Variants in PCDHGA2 observed in about 807,000 individuals in gnomAD.
PCDHGA2 encodes protocadherin gamma-A2.
PCDHGA2 carries 40 observed loss-of-function variants against 59.2 expected under a neutral mutation model. The ratio of observed to expected loss-of-function variants is 0.68; its 90% CI spans 0.52 to 0.88. The LOEUF (loss-of-function observed/expected upper bound fraction) is 0.88, where lower values mean the gene tolerates loss of function less well. Among genes scored for constraint, PCDHGA2 ranks in the 40% least tolerant of loss-of-function variants. The probability of loss-of-function intolerance (pLI) is 0.00; values close to 1 mark genes in which losing one functional copy is unlikely to be tolerated. For missense variants in PCDHGA2, 1,226 were observed against 1,204.0 expected, an observed-to-expected ratio of 1.02 and a Z score of -0.27; for synonymous variants, 560 against 526.0, an observed-to-expected ratio of 1.06 and a Z score of -0.89.
chr5:141,353,047 T>C (rs62378415), intron 1 of PCDHGA2, among the ~76,000 whole-genome samples: 4,502 of 152,268 alleles, frequency 0.03, 79 homozygotes, highest in Middle Eastern at 0.088. Context: ...ATAAGTAATT[T>C]TGATTTTCTT....
At chr5:141,427,938 G>A in intron 1 of PCDHGA2, 1 of 1,584,968 alleles carries the variant, frequency 6.3e-7, no homozygotes, top group South Asian at 1.1e-5. Context: ...GTTGGTGGGC[G>A]ACCTCAATGA....
At chr5:141,473,228 A>T (rs549587219) in intron 1 of PCDHGA2, among the ~76,000 whole-genome samples, 1 of 152,296 alleles carries the variant, frequency 6.6e-6, no homozygotes, top group African/African-American at 2.4e-5. Context: ...GGGAGATTGG[A>T]TCCACACAAG....
At chr5:141,375,275 GT>G in intron 1 of PCDHGA2, 3 of 1,613,902 alleles carry the variant, frequency 1.9e-6, no homozygotes, top group Non-Finnish European at 1.7e-6. Flanking sequence ...GGAAAAATCA[GT>G]TGGCAATTAT....
At chr5:141,454,331 T>G (rs1244660733) in intron 1 of PCDHGA2, among the ~76,000 whole-genome samples, 1 of 152,180 alleles carries the variant, frequency 6.6e-6, no homozygotes, top group Non-Finnish European at 1.5e-5. Context: ...CAAGAATAAA[T>G]AAAATGTTGG....
At position 141,476,581 on chromosome 5, in the gene PCDHGA2, G is replaced by A. The variant is rs1393235114; in HGVS notation, c.2425-18226G>A. The A allele has an allele frequency of 5.0e-6, 8 of 1,614,230 alleles. No individual in the cohort carries two copies. The highest frequency in any genetic ancestry group is 6.8e-6 in the Non-Finnish European group (8 of 1,180,042). ...CCGTGGCTCCGGGGACGCGCTTTCC[G>A]CTCGAGAGCGCGCACGATCCCGATG... On this transcript the variant is annotated intron_variant, in intron 1 of 3. Transcript: ENST00000394576. This position sits in a 1 kb window ranked among gnomAD's most constrained non-coding sequence, Gnocchi z 7.6.
rs1299162270 is a variant in PCDHGA2 at position 141,413,906 on chromosome 5, C to T, written c.2424+72511C>T. ...GTCTTCGATGCAAATGACAACGCGC[C>T]GGTCTTCACCTTGCCAGAATACCGA... On this transcript the variant is annotated intron_variant, in intron 1 of 3. Transcript: ENST00000394576. The T allele has an allele frequency of 1.9e-6, 3 of 1,613,190 alleles. No homozygotes were observed. The highest frequency in any genetic ancestry group is 1.7e-6 in the Non-Finnish European group (2 of 1,179,870).
intron 1 of PCDHGA2, among the ~76,000 whole-genome samples, chr5:141,407,687 G>A (rs866314437): frequency 1.3e-5 from 2 of 152,126 alleles, no homozygotes; most frequent in African/African-American, 2.4e-5. Context: ...TGGCTTTGTG[G>A]TGATCATTGT....
Position 141,447,179 on chromosome 5 carries a change from G to A in PCDHGA2, c.2425-47628G>A, listed in dbSNP as rs558348683. ...GTTTAAGCGGGGTCTTGCTCTTGTC[G>A]CGCAGGCTGGAGTGCAATGGCTTGA... On this transcript the variant is annotated intron_variant, in intron 1 of 3. Transcript: ENST00000394576. 4.6e-4 allele frequency among the ~76,000 whole-genome samples: 70 copies of A among 151,826 alleles called. 1 individual carries two copies. The highest frequency in any genetic ancestry group is 3.9e-4 in the East Asian group (2 of 5,158).
Position 141,464,802 on chromosome 5 carries a change from A to G in PCDHGA2, c.2425-30005A>G, listed in dbSNP as rs545738780. ...TGCCCAGGCCAAATTGCAGTGATGC[A>G]GTCATAGCTCACTGTAGCCTCGCAC... On this transcript the variant is annotated intron_variant, in intron 1 of 3. Transcript: ENST00000394576. Among the ~76,000 whole-genome samples, 25 of 152,032 alleles carry G rather than the reference A, an allele frequency of 1.6e-4. No homozygotes were observed. In the East Asian group the frequency reaches 4.8e-3, roughly 29 times the overall value.
intron 1 of PCDHGA2, among the ~76,000 whole-genome samples, chr5:141,407,629 G>A (rs1025838649): frequency 1.3e-5 from 2 of 151,940 alleles, no homozygotes; most frequent in African/African-American, 4.8e-5. Context: ...TCTATATCTC[G>A]TATTACTTAA....
chr5:141,422,996 C>G lies in PCDHGA2; in HGVS notation c.2425-71811C>G. 1.2e-6 allele frequency: 2 copies of G among 1,614,224 alleles called. No homozygotes were observed. The highest frequency in any genetic ancestry group is 1.7e-6 in the Non-Finnish European group (2 of 1,180,046). On this transcript the variant is annotated intron_variant, in intron 1 of 3. Coordinates refer to ENST00000394576, the MANE Select transcript of PCDHGA2 (RefSeq NM_018915.4). ...TCTGCGGAACCTGGCTACCTGGTGA[C>G]CAAGGTGGTTGCGGTGGACAAAGAT...
chr5:141,351,813 A>G (rs757501743), intron 1 of PCDHGA2: 1 of 1,613,236 alleles, frequency 6.2e-7, no homozygotes, highest in Non-Finnish European at 8.5e-7. Context: ...GCCTTCGACC[A>G]CGAGCAGCTG....
chr5:141,423,358 G>T (rs202010010), intron 1 of PCDHGA2: 1 of 1,614,196 alleles, frequency 6.2e-7, no homozygotes, highest in South Asian at 1.1e-5. Flanking sequence ...CTTTGTCATC[G>T]TGCTGCTGGC....
At chr5:141,480,285 T>C (rs1369369395) in intron 1 of PCDHGA2, among the ~76,000 whole-genome samples, 1 of 151,924 alleles carries the variant, frequency 6.6e-6, no homozygotes, top group East Asian at 1.9e-4. Flanking sequence ...TGTGTTGGCA[T>C]GCACCTGTGG....
In PCDHGA2 at chr5:141,365,130, C is replaced by T. The variant is rs766093939; in HGVS notation, c.2424+23735C>T. 5 of 1,613,878 alleles carry T rather than the reference C, an allele frequency of 3.1e-6. No individual in the cohort carries two copies. In the South Asian group the frequency reaches 3.3e-5, roughly 11 times the overall value. On this transcript the variant is annotated intron_variant, in intron 1 of 3. Coordinates refer to ENST00000394576, the MANE Select transcript of PCDHGA2 (RefSeq NM_018915.4). ...ACTCGGCTGCTCATGCTAACCGCCA[C>T]GGATCCAGATGAGGGAATAAACGGG...
At position 141,487,147 on chromosome 5, in the gene PCDHGA2, T is replaced by C; in HGVS notation, c.2425-7660T>C. 1 of 1,614,122 alleles carries C rather than the reference T, an allele frequency of 6.2e-7. No individual in the cohort carries two copies. Among genetic ancestry groups the C allele is most frequent in the Non-Finnish European group, 8.5e-7 (1 of 1,179,952 alleles). On this transcript the variant is annotated intron_variant, in intron 1 of 3. Transcript: ENST00000394576. This position sits in a 1 kb window ranked among gnomAD's most constrained non-coding sequence, Gnocchi z 5.0. ...GTGGTAGTCCACCACTCTCTACCTC[T>C]GTTACTCTCTTAGTGTCCTTAGAGG...
chr5:141,474,430 C>T (rs2099349577), intron 1 of PCDHGA2, among the ~76,000 whole-genome samples: 1 of 152,212 alleles, frequency 6.6e-6, no homozygotes, highest in African/African-American at 2.4e-5. Flanking sequence ...TTGGTCCTCA[C>T]ACTTTGAGTA....
chr5:141,350,765 A>G (rs1261918788), intron 1 of PCDHGA2: 1 of 1,613,858 alleles, frequency 6.2e-7, no homozygotes, highest in Non-Finnish European at 8.5e-7. Context: ...GTTATACACC[A>G]TCAACCCCAA....
At chr5:141,344,511 C>T (rs1757428106) in intron 1 of PCDHGA2, 2 of 1,613,854 alleles carry the variant, frequency 1.2e-6, no homozygotes, top group East Asian at 2.2e-5. Context: ...TGCTTTTGAC[C>T]CAGATGTAGG....
Sources: allele counts gnomAD v4.1 joint callset (sites outside exome capture counted in the v4.1 genomes callset), GRCh38; gene constraint gnomAD v4.1.1; non-coding constraint Gnocchi (gnomAD v3.1); transcripts MANE v1.5; gene names NCBI Gene and HGNC (gene_info 2026-07-23, HGNC 2026-07-21).